The following KCNIP4 variants were observed in gnomAD, a reference collection of about 807,000 sequenced individuals.
KCNIP4 encodes Kv channel-interacting protein 4.
Under a neutral mutation model 34.0 loss-of-function variants are expected in KCNIP4, and 12 were observed. The ratio of observed to expected loss-of-function variants is 0.35; its 90% CI spans 0.23 to 0.57. The LOEUF (loss-of-function observed/expected upper bound fraction) is 0.57. Ranked by LOEUF, KCNIP4 falls within the 20% of genes least tolerant of loss-of-function variation. KCNIP4 has a pLI of 0.83. For missense variants in KCNIP4, 238 were observed against 311.7 expected (o/e 0.76, Z 1.78); for synonymous variants, 124 against 102.2 (o/e 1.21, Z -1.29).
chr4:21,116,265 A>G (rs564848266), intron 1 of KCNIP4, among the ~76,000 whole-genome samples: 2 of 152,340 alleles, frequency 1.3e-5, no homozygotes, highest in African/African-American at 4.8e-5. Context: ...TGAAGCATGC[A>G]TGCCCTTGGA....
intron 1 of KCNIP4, among the ~76,000 whole-genome samples, chr4:21,446,939 A>AT (rs1728065209): frequency 6.6e-6 from 1 of 152,164 alleles, no homozygotes; most frequent in South Asian, 2.1e-4. Context: ...GTTGAAGGAC[A>AT]TCTCGATTAT....
At chr4:20,967,124 A>G (rs923087483) in intron 1 of KCNIP4, among the ~76,000 whole-genome samples, 3 of 152,166 alleles carry the variant, frequency 2.0e-5, no homozygotes, top group African/African-American at 7.2e-5. Context: ...TTACTTTATC[A>G]TGACCTATAT....
In KCNIP4 at chr4:21,690,160, T is replaced by C. The variant is rs539833969; in HGVS notation, c.61+258411A>G. Among the ~76,000 whole-genome samples, 143 of 148,098 alleles carry C rather than the reference T, an allele frequency of 9.7e-4. 1 individual carries two copies. In the South Asian group the frequency reaches 0.03, roughly 31 times the overall value. On this transcript the variant is annotated intron_variant, in intron 1 of 8. Transcript: ENST00000382152. ...ATATATATATATATACACACACACA[T>C]ACGTAAATATACACATCAACGATGA...
At chr4:21,509,982 G>A (rs768555183) in intron 1 of KCNIP4, among the ~76,000 whole-genome samples, 2 of 150,706 alleles carry the variant, frequency 1.3e-5, no homozygotes, top group Non-Finnish European at 2.9e-5. Context: ...GCTGGGTGTG[G>A]TGGCGCCTGC....
At chr4:20,922,202 C>T (rs993732712) in intron 1 of KCNIP4, among the ~76,000 whole-genome samples, 1 of 152,104 alleles carries the variant, frequency 6.6e-6, no homozygotes, top group African/African-American at 2.4e-5. Context: ...TCAAATGTTC[C>T]TTCTGGGTAT....
intron 1 of KCNIP4, among the ~76,000 whole-genome samples, chr4:21,559,968 T>C (rs1240925786): frequency 6.6e-6 from 1 of 152,158 alleles, no homozygotes; most frequent in Non-Finnish European, 1.5e-5. Context: ...TATTTCCTCT[T>C]GCTTGATTTA....
intron 1 of KCNIP4, among the ~76,000 whole-genome samples, chr4:21,787,212 C>A (rs554421915): frequency 6.6e-6 from 1 of 152,146 alleles, no homozygotes; most frequent in African/African-American, 2.4e-5. Flanking sequence ...ATATAAAACA[C>A]GAATAAATTT....
intron 1 of KCNIP4, among the ~76,000 whole-genome samples, chr4:21,372,353 A>AATAG (rs140861893): frequency 0.32 from 44,320 of 138,730 alleles, 8,255 homozygotes; most frequent in South Asian, 0.39. Flanking sequence ...CAGTTTGGTG[A>AATAG]ATAGATAGAT....
intron 1 of KCNIP4, among the ~76,000 whole-genome samples, chr4:21,106,515 T>C (rs1748552126): frequency 6.6e-6 from 1 of 151,482 alleles, no homozygotes; most frequent in Non-Finnish European, 1.5e-5. Context: ...TTGCTAGCAG[T>C]CTATCAATTT....
At chr4:20,887,776 C>T (rs937459122) in intron 1 of KCNIP4, among the ~76,000 whole-genome samples, 14 of 152,166 alleles carry the variant, frequency 9.2e-5, no homozygotes, top group African/African-American at 1.4e-4. Flanking sequence ...TGGCATAATA[C>T]GGAAACTTGA....
chr4:21,219,616 T>G (rs888601852), intron 1 of KCNIP4, among the ~76,000 whole-genome samples: 3 of 152,040 alleles, frequency 2.0e-5, no homozygotes, highest in African/African-American at 7.3e-5. Flanking sequence ...TTGCAACTGG[T>G]TGAGAGAAGA....
chr4:21,403,000 C>A (rs964387213), intron 1 of KCNIP4, among the ~76,000 whole-genome samples: 2 of 152,158 alleles, frequency 1.3e-5, no homozygotes, highest in Non-Finnish European at 2.9e-5. Context: ...AAGCCCATTC[C>A]AGTGAGACTG....
chr4:21,264,267 G>A (rs1761658490), intron 1 of KCNIP4, among the ~76,000 whole-genome samples: 1 of 115,142 alleles, frequency 8.7e-6, no homozygotes, highest in African/African-American at 3.3e-5. Context: ...AAAGCCAAAG[G>A]AATGACTTAG....
At chr4:21,444,881 C>T (rs1236562943) in intron 1 of KCNIP4, among the ~76,000 whole-genome samples, 1 of 152,202 alleles carries the variant, frequency 6.6e-6, no homozygotes, top group Non-Finnish European at 1.5e-5. Flanking sequence ...AAAACCCCAT[C>T]ATCTCAGCCC....
chr4:20,832,118 G>A (rs914438839), intron 3 of KCNIP4, among the ~76,000 whole-genome samples: 2 of 152,034 alleles, frequency 1.3e-5, no homozygotes, highest in African/African-American at 4.8e-5. Flanking sequence ...ATCTAACTTG[G>A]ATTTCAGCTG....
chr4:21,707,684 T>TA (rs955823947), intron 1 of KCNIP4, among the ~76,000 whole-genome samples: 29 of 151,538 alleles, frequency 1.9e-4, no homozygotes, highest in African/African-American at 5.8e-4. Context: ...CATCATACTT[T>TA]AAAAAAAATA....
intron 1 of KCNIP4, among the ~76,000 whole-genome samples, chr4:21,203,195 G>C (rs1468564362): frequency 2.6e-5 from 4 of 152,188 alleles, no homozygotes; most frequent in African/African-American, 9.6e-5. Flanking sequence ...CCTGCAATGT[G>C]GAATAGAAGG....
chr4:21,715,976 T>G, intron 1 of KCNIP4, among the ~76,000 whole-genome samples: 1 of 152,190 alleles, frequency 6.6e-6, no homozygotes, highest in East Asian at 1.9e-4. Context: ...ACGACTTCTC[T>G]GATTTCTTCA....
chr4:21,041,665 T>G (rs1480725891), intron 1 of KCNIP4, among the ~76,000 whole-genome samples: 1 of 152,196 alleles, frequency 6.6e-6, no homozygotes. Flanking sequence ...CCTAATGACA[T>G]GCAAAGAAGC....
Sources: gnomAD v4.1 joint callset for allele counts (sites outside exome capture counted in the v4.1 genomes callset) on GRCh38, gnomAD v4.1.1 for gene constraint, MANE v1.5 for transcripts, NCBI Gene and HGNC (gene_info 2026-07-23, HGNC 2026-07-21) for gene names.